Variants in IFT81 observed in about 807,000 individuals in gnomAD.
IFT81 encodes intraflagellar transport protein 81 homolog.
IFT81 carries 72 observed loss-of-function variants against 102.6 expected under a neutral mutation model. That is an observed-to-expected ratio of 0.70 (90% confidence interval 0.58 to 0.85). The LOEUF is 0.85. IFT81 is among the 40% of genes least tolerant of loss of function. The pLI is 0.00. For missense variants in IFT81, 723 were observed against 787.3 expected, an observed-to-expected ratio of 0.92 and a Z score of 0.98; for synonymous variants, 237 against 242.7, an observed-to-expected ratio of 0.98 and a Z score of 0.22.
Position 110,133,179 on chromosome 12 carries a change from C to T in IFT81, c.519+543C>T, listed in dbSNP as rs541049564. Among the ~76,000 whole-genome samples, 40 of 151,872 alleles carry T rather than the reference C, an allele frequency of 2.6e-4. No homozygotes were observed. In the Middle Eastern group the frequency reaches 0.024, roughly 91 times the overall value. The stretch of plus-strand genomic sequence containing the variant: ...TAGAGACGGGATTTTGCCATGTTGC[C>T]CGGGTTGGTCTTGACCTCCTGGGCT... On this transcript the variant is annotated intron_variant, in intron 5 of 18. Coordinates refer to ENST00000242591, the MANE Select transcript of IFT81 (RefSeq NM_014055.4).
chr12:110,157,279 G>A (rs1287099691), intron 10 of IFT81, among the ~76,000 whole-genome samples: 1 of 152,096 alleles, frequency 6.6e-6, no homozygotes, highest in African/African-American at 2.4e-5. Flanking sequence ...AACCTGGGAG[G>A]CGGAGGTTGC....
chr12:110,132,409 G>A (rs1259881588), intron 4 of IFT81, 138 bp from the exon 5 acceptor site: 4 of 408,746 alleles, frequency 9.8e-6, no homozygotes, highest in Admixed American at 4.9e-5. Context: ...GTAGTGAGCC[G>A]AGATCGTGCC....
At chr12:110,143,342 A>G in intron 8 of IFT81, 40 bp from the exon 9 acceptor site, 2 of 1,153,346 alleles carry the variant, frequency 1.7e-6, no homozygotes, top group South Asian at 4.2e-5. Context: ...CACTGTACCT[A>G]CTCTTTTGGG....
At chr12:110,196,858 T>C (rs1049415694) in intron 14 of IFT81, among the ~76,000 whole-genome samples, 8 of 152,184 alleles carry the variant, frequency 5.3e-5, no homozygotes, top group African/African-American at 1.7e-4. Context: ...TATTTCTGTT[T>C]GCTTTCAGCT....
chr12:110,187,498 C>A (rs567533921), intron 12 of IFT81, among the ~76,000 whole-genome samples: 1 of 152,172 alleles, frequency 6.6e-6, no homozygotes, highest in African/African-American at 2.4e-5. Flanking sequence ...CTCCTGACTT[C>A]AAGTGATCTG....
At chr12:110,151,841 T>A (rs1033478038) in intron 10 of IFT81, among the ~76,000 whole-genome samples, 1 of 152,206 alleles carries the variant, frequency 6.6e-6, no homozygotes, top group Non-Finnish European at 1.5e-5. Context: ...ATAACCACCA[T>A]TCTACTCTTC....
intron 10 of IFT81, among the ~76,000 whole-genome samples, chr12:110,155,613 G>C (rs997510740): frequency 4.6e-5 from 7 of 151,934 alleles, no homozygotes; most frequent in Non-Finnish European, 8.8e-5. Context: ...CGCCCGGCCT[G>C]GATCACATGT....
chr12:110,196,758 T>C (rs554956885), intron 14 of IFT81, among the ~76,000 whole-genome samples: 6 of 152,370 alleles, frequency 3.9e-5, no homozygotes, highest in African/African-American at 1.4e-4. Context: ...TTATTCCTTA[T>C]TATGGTACGT....
intron 10 of IFT81, among the ~76,000 whole-genome samples, chr12:110,151,353 A>G (rs1255922541): frequency 1.3e-5 from 2 of 152,172 alleles, no homozygotes; most frequent in Non-Finnish European, 2.9e-5. Context: ...TATATGTATC[A>G]GTACATCATT....
intron 10 of IFT81, among the ~76,000 whole-genome samples, chr12:110,160,219 T>G (rs1896064197): frequency 6.6e-6 from 1 of 152,168 alleles, no homozygotes; most frequent in South Asian, 2.1e-4. Flanking sequence ...GAGAATTGGC[T>G]CACACAGTTA....
At chr12:110,136,690 T>A (rs1894529806) in intron 7 of IFT81, 86 bp from the exon 8 acceptor site, 2 of 657,292 alleles carry the variant, frequency 3.0e-6, no homozygotes, top group Admixed American at 3.3e-5. Context: ...AAGAATTATA[T>A]GGAACTTGTA....
rs553521982 is a variant in IFT81, at chr12:110,155,512, A to G, written c.1042-7407A>G. 5.3e-5 allele frequency among the ~76,000 whole-genome samples: 8 copies of G among 151,464 alleles called. No homozygotes were observed. The South Asian group carries it at 1.2e-3, about 24-fold the overall frequency. On this transcript the variant is annotated intron_variant, in intron 10 of 18. Transcript: ENST00000242591. The stretch of plus-strand genomic sequence containing the variant: ...TTTTCAGTAGAGACGGGGTTTCACC[A>G]TGTTGACCAGGCTGGTCTTGAACTC...
chr12:110,187,696 G>A (rs1897597195), intron 12 of IFT81, among the ~76,000 whole-genome samples: 1 of 152,158 alleles, frequency 6.6e-6, no homozygotes, highest in African/African-American at 2.4e-5. Flanking sequence ...TTTCTATAAG[G>A]AGGATTTAAT....
At chr12:110,135,150 A>G (rs1397401201) in intron 6 of IFT81, 137 bp downstream of exon 6, 1 of 760,502 alleles carries the variant, frequency 1.3e-6, no homozygotes, top group Non-Finnish European at 2.2e-6. Context: ...CGAAAAGGGA[A>G]TCTCTCTAGA....
At chr12:110,183,000 C>T (rs1317265403) in intron 12 of IFT81, among the ~76,000 whole-genome samples, 1 of 152,184 alleles carries the variant, frequency 6.6e-6, no homozygotes, top group Non-Finnish European at 1.5e-5. Flanking sequence ...TTTTCATAGG[C>T]CATCCAGTTC....
chr12:110,199,843 C>CGGTCATGAAACCAA (rs1199246625), intron 14 of IFT81, among the ~76,000 whole-genome samples: 5 of 152,200 alleles, frequency 3.3e-5, no homozygotes, highest in African/African-American at 1.2e-4. Context: ...CAGGAAACCA[C>CGGTCATGAAACCAA]GGTCATGAAA....
rs112073794 is a variant in IFT81, at chr12:110,172,267, TA to T, written c.1189-8150del. On this transcript the variant is annotated intron_variant, in intron 11 of 18. Transcript: ENST00000242591. ...CAACGTGATGAAACCCTGTCTCCAC[TA>T]AAAATAGAAAAATTTGCCTCTGCCT... Among the ~76,000 whole-genome samples, 294 of 152,192 alleles carry T rather than the reference TA, an allele frequency of 1.9e-3. 2 individuals carry two copies. Among genetic ancestry groups the T allele is most frequent in the African/African-American group, 6.7e-3 (279 of 41,550 alleles).
At position 110,135,436 on chromosome 12, in the gene IFT81, A is replaced by C. The variant is rs1894433160; in HGVS notation, c.695A>C (p.Gln232Pro). 2 of 1,553,082 alleles carry C rather than the reference A, an allele frequency of 1.3e-6. No individual in the cohort carries two copies. The highest frequency in any genetic ancestry group is 1.8e-6 in the Non-Finnish European group (2 of 1,127,666). The change falls in exon 7 of 19, where the codon CAG becomes CCG. Residue 232 changes from glutamine (Q) to proline (P), a missense_variant and splice_region_variant. Coordinates refer to ENST00000242591, the MANE Select transcript of IFT81 (RefSeq NM_014055.4). ...CAACAGAAACAGGAACAAAAGAATCAGGTATCCACATAAAAGTTTATATTC... is the reference window on the plus strand; with the variant it reads ...CAACAGAAACAGGAACAAAAGAATCCGGTATCCACATAAAAGTTTATATTC... ...LAQQKQEQKN[Q>P]LFHAVQRLQR... is the part of the protein sequence containing the mutation.
intron 11 of IFT81, among the ~76,000 whole-genome samples, chr12:110,164,068 A>G (rs1403807905): frequency 6.6e-6 from 1 of 152,198 alleles, no homozygotes; most frequent in Non-Finnish European, 1.5e-5. Flanking sequence ...AGAAAATATC[A>G]TTAAGTTATT....
Sources: gnomAD v4.1 joint callset for allele counts (sites outside exome capture counted in the v4.1 genomes callset) on GRCh38, gnomAD v4.1.1 for gene constraint, MANE v1.5 for transcripts, NCBI Gene and HGNC (gene_info 2026-07-23, HGNC 2026-07-21) for gene names.